The following KCNIP1 variants were observed in gnomAD, a reference collection of about 807,000 sequenced individuals.
KCNIP1 encodes the protein potassium voltage-gated channel interacting protein 1.
KCNIP1 carries 18 observed loss-of-function variants against 33.0 expected under a neutral mutation model. The observed-to-expected ratio is 0.55, with a 90% CI of 0.38 to 0.81. The LOEUF (loss-of-function observed/expected upper bound fraction) is 0.81, where lower values mean the gene tolerates loss of function less well. Among genes scored for constraint, KCNIP1 ranks in the 30% least tolerant of loss-of-function variants. The probability of loss-of-function intolerance (pLI) is 0.00; values close to 1 mark genes in which losing one functional copy is unlikely to be tolerated. For synonymous variants in KCNIP1, 93 were observed against 98.3 expected (o/e 0.95, Z 0.32); for missense variants, 238 against 271.6 (o/e 0.88, Z 0.87).
intron 1 of KCNIP1, among the ~76,000 whole-genome samples, chr5:170,570,536 C>T (rs1219133677): frequency 6.6e-6 from 1 of 152,184 alleles, no homozygotes; most frequent in Non-Finnish European, 1.5e-5. Flanking sequence ...TGCTCTCACC[C>T]CTTGTTCCAA....
intron 1 of KCNIP1, among the ~76,000 whole-genome samples, chr5:170,465,454 G>T (rs527948262): frequency 6.6e-6 from 1 of 152,162 alleles, no homozygotes; most frequent in Non-Finnish European, 1.5e-5. Flanking sequence ...GGGAACCAAG[G>T]GATGTGAAGG....
chr5:170,723,524 G>T (rs2113878323), intron 5 of KCNIP1, among the ~76,000 whole-genome samples: 1 of 152,244 alleles, frequency 6.6e-6, no homozygotes, highest in South Asian at 2.1e-4. Context: ...GTGCCTGGAG[G>T]TATAGATATC....
intron 1 of KCNIP1, among the ~76,000 whole-genome samples, chr5:170,473,964 G>A (rs1756793381): frequency 6.6e-6 from 1 of 152,190 alleles, no homozygotes; most frequent in Admixed American, 6.5e-5. Flanking sequence ...TAATTAGACT[G>A]CGTTGGGCGT....
chr5:170,629,005 T>A (rs553517646), intron 1 of KCNIP1, among the ~76,000 whole-genome samples: 59 of 152,298 alleles, frequency 3.9e-4, no homozygotes, highest in African/African-American at 1.4e-3. Context: ...AGCCTCTCCA[T>A]CTATCATGCC....
At chr5:170,706,473 C>G (rs943801816) in intron 1 of KCNIP1, among the ~76,000 whole-genome samples, 5 of 152,204 alleles carry the variant, frequency 3.3e-5, no homozygotes, top group Admixed American at 3.3e-4. Flanking sequence ...CTTTTCCACC[C>G]TCCCCAAGAG....
At chr5:170,510,638 T>C (rs1485192329) in intron 1 of KCNIP1, among the ~76,000 whole-genome samples, 1 of 152,236 alleles carries the variant, frequency 6.6e-6, no homozygotes, top group Admixed American at 6.5e-5. Flanking sequence ...ATAGGTCACC[T>C]TCTGGAAGTA....
At chr5:170,709,467 T>C (rs969273806) in intron 1 of KCNIP1, among the ~76,000 whole-genome samples, 18 of 152,240 alleles carry the variant, frequency 1.2e-4, no homozygotes, top group Non-Finnish European at 2.1e-4. Flanking sequence ...TGCCAGTGTT[T>C]CTTGATTTGT....
chr5:170,491,127 T>G (rs893367213), intron 1 of KCNIP1, among the ~76,000 whole-genome samples: 1 of 152,186 alleles, frequency 6.6e-6, no homozygotes, highest in African/African-American at 2.4e-5. Flanking sequence ...TACCTATCAC[T>G]GTCAGTCCGG....
chr5:170,688,511 C>A (rs949094282), intron 1 of KCNIP1, among the ~76,000 whole-genome samples: 6 of 152,178 alleles, frequency 3.9e-5, no homozygotes, highest in Non-Finnish European at 8.8e-5. Flanking sequence ...GATGCCAGCG[C>A]AGCCATGCTT....
intron 1 of KCNIP1, among the ~76,000 whole-genome samples, chr5:170,385,937 G>A (rs970194682): frequency 6.6e-6 from 1 of 151,824 alleles, no homozygotes; most frequent in Admixed American, 6.6e-5. Flanking sequence ...GGCTAACATG[G>A]TGAAACCCCA....
At chr5:170,367,326 A>G (rs1011374896) in intron 1 of KCNIP1, among the ~76,000 whole-genome samples, 3 of 141,892 alleles carry the variant, frequency 2.1e-5, no homozygotes, top group Non-Finnish European at 4.6e-5. Context: ...AAAAAAAAGA[A>G]GAAAGAAGGA....
intron 1 of KCNIP1, chr5:170,383,893 G>A (rs1764360406): frequency 6.3e-7 from 1 of 1,598,260 alleles, no homozygotes; most frequent in Non-Finnish European, 8.5e-7. Context: ...TCTCAGAACT[G>A]GGTGACACAC....
intron 1 of KCNIP1, among the ~76,000 whole-genome samples, chr5:170,643,953 C>G (rs946854371): frequency 3.3e-5 from 5 of 152,166 alleles, no homozygotes; most frequent in African/African-American, 9.7e-5. Flanking sequence ...TGTTCTGTCA[C>G]TCACCAGTGC....
chr5:170,641,872 C>T (rs1760577444), intron 1 of KCNIP1, among the ~76,000 whole-genome samples: 1 of 152,156 alleles, frequency 6.6e-6, no homozygotes, highest in African/African-American at 2.4e-5. Context: ...GCTAGTCCTG[C>T]CTGGATGCTC....
At chr5:170,611,903 A>T (rs1214847180) in intron 1 of KCNIP1, among the ~76,000 whole-genome samples, 2 of 152,226 alleles carry the variant, frequency 1.3e-5, no homozygotes, top group East Asian at 1.9e-4. Context: ...TTGTTCATTC[A>T]TTCTGTTAAT....
chr5:170,457,799 C>CA (rs1270952553), intron 1 of KCNIP1, among the ~76,000 whole-genome samples: 8 of 152,214 alleles, frequency 5.3e-5, no homozygotes, highest in Admixed American at 1.3e-4. Flanking sequence ...TAATACCCCC[C>CA]AAAAAATCAC....
At chr5:170,683,817 G>A (rs1441842845) in intron 1 of KCNIP1, among the ~76,000 whole-genome samples, 3 of 150,898 alleles carry the variant, frequency 2.0e-5, no homozygotes, top group African/African-American at 4.9e-5. Context: ...TCTGCCTCCC[G>A]GACTCAAGCG....
chr5:170,679,654 TG>T (rs1381533061), intron 1 of KCNIP1, among the ~76,000 whole-genome samples: 1 of 151,828 alleles, frequency 6.6e-6, no homozygotes, highest in Non-Finnish European at 1.5e-5. Context: ...TGTGTGTGTG[TG>T]TGTGTGTTCC....
At chr5:170,671,497 A>G (rs944471407) in intron 1 of KCNIP1, among the ~76,000 whole-genome samples, 1 of 152,160 alleles carries the variant, frequency 6.6e-6, no homozygotes, top group East Asian at 1.9e-4. Context: ...GATGAAACTC[A>G]TTATGCAAAC....
Sources: gnomAD v4.1 joint callset for allele counts (sites outside exome capture counted in the v4.1 genomes callset) on GRCh38, gnomAD v4.1.1 for gene constraint, MANE v1.5 for transcripts, NCBI Gene and HGNC (gene_info 2026-07-23, HGNC 2026-07-21) for gene names.